The following RBFOX1 variants were observed in gnomAD, a reference collection of about 807,000 sequenced individuals.
RBFOX1 encodes RNA binding protein fox-1 homolog 1.
Under a neutral mutation model 57.7 loss-of-function variants are expected in RBFOX1, and 8 were observed. The ratio of observed to expected loss-of-function variants is 0.14; its 90% CI spans 0.08 to 0.25. RBFOX1 has a LOEUF of 0.25. Ranked by LOEUF, RBFOX1 falls within the 10% of genes least tolerant of loss-of-function variation. The probability of loss-of-function intolerance (pLI) is 1.00; values close to 1 mark genes in which losing one functional copy is unlikely to be tolerated. For missense variants in RBFOX1, 611 were observed against 548.5 expected (o/e 1.11, Z -1.14); for synonymous variants, 326 against 222.4 (o/e 1.47, Z -4.15).
At chr16:6,109,614 T>C (rs2096420858) in intron 1 of RBFOX1, among the ~76,000 whole-genome samples, 1 of 152,210 alleles carries the variant, frequency 6.6e-6, no homozygotes, top group African/African-American at 2.4e-5. Context: ...GCAGTCACGA[T>C]TGCCTGGGTA....
intron 4 of RBFOX1, among the ~76,000 whole-genome samples, chr16:7,488,387 A>G (rs2065975231): frequency 6.6e-6 from 1 of 152,134 alleles, no homozygotes; most frequent in South Asian, 2.1e-4. Flanking sequence ...GTACAGATAT[A>G]TATGGACCTC....
At chr16:7,555,863 C>G (rs2088254484) in intron 5 of RBFOX1, among the ~76,000 whole-genome samples, 1 of 152,158 alleles carries the variant, frequency 6.6e-6, no homozygotes, top group Non-Finnish European at 1.5e-5. Flanking sequence ...CTCATGGTGC[C>G]TATGCTTCCA....
intron 2 of RBFOX1, among the ~76,000 whole-genome samples, chr16:6,414,327 C>G (rs1323922822): frequency 6.6e-6 from 1 of 152,176 alleles, no homozygotes; most frequent in African/African-American, 2.4e-5. Context: ...TCCCAGTCCT[C>G]TTCTCTGGGA....
At chr16:6,678,658 T>C (rs1214870235) in intron 3 of RBFOX1, among the ~76,000 whole-genome samples, 1 of 151,678 alleles carries the variant, frequency 6.6e-6, no homozygotes, top group African/African-American at 2.4e-5. Context: ...ATGACACTTC[T>C]AAGACACAAG....
intron 4 of RBFOX1, among the ~76,000 whole-genome samples, chr16:7,362,904 C>G (rs1231384574): frequency 1.3e-5 from 2 of 152,154 alleles, no homozygotes; most frequent in African/African-American, 4.8e-5. Context: ...TTGCTGGAGT[C>G]ATTTCCTAAC....
chr16:6,451,826 A>G (rs1366198310), intron 2 of RBFOX1, among the ~76,000 whole-genome samples: 1 of 151,316 alleles, frequency 6.6e-6, no homozygotes, highest in Non-Finnish European at 1.5e-5. Context: ...CCATGACTCC[A>G]TCCATGGCTC....
At chr16:5,956,678 A>ATATATTTTTT (rs368096576) in intron 4 of RBFOX1, among the ~76,000 whole-genome samples, 13 of 116,504 alleles carry the variant, frequency 1.1e-4, no homozygotes, top group Admixed American at 3.0e-4. Context: ...ATATATATAT[A>ATATATTTTTT]TTTTTTTTGA....
intron 1 of RBFOX1, among the ~76,000 whole-genome samples, chr16:5,318,829 C>T (rs1204227053): frequency 1.3e-5 from 2 of 152,148 alleles, no homozygotes; most frequent in Non-Finnish European, 2.9e-5. Context: ...ATTGCGTGAG[C>T]CCTTTAAAAG....
At chr16:7,690,877 C>A (rs1348704163) in intron 14 of RBFOX1, among the ~76,000 whole-genome samples, 1 of 152,082 alleles carries the variant, frequency 6.6e-6, no homozygotes, top group South Asian at 2.1e-4. Context: ...AACATGCAAT[C>A]TCCCCTTAGA....
chr16:7,701,021 G>C (rs754964084), intron 14 of RBFOX1, among the ~76,000 whole-genome samples: 3 of 152,162 alleles, frequency 2.0e-5, no homozygotes, highest in Non-Finnish European at 4.4e-5. Context: ...GGCTTCTCAT[G>C]TAGGGTCTAA....
intron 3 of RBFOX1, among the ~76,000 whole-genome samples, chr16:7,022,594 AT>A (rs1568411100): frequency 6.6e-6 from 1 of 152,088 alleles, no homozygotes; most frequent in East Asian, 1.9e-4. Flanking sequence ...TCTAATATTT[AT>A]TGGGAAGCTG....
At chr16:7,294,236 C>A (rs2095848184) in intron 4 of RBFOX1, among the ~76,000 whole-genome samples, 1 of 152,068 alleles carries the variant, frequency 6.6e-6, no homozygotes, top group African/African-American at 2.4e-5. Flanking sequence ...GCCTACCCTT[C>A]CTTGTCCCAC....
At chr16:7,036,715 AAAAC>A (rs1307810124) in intron 3 of RBFOX1, among the ~76,000 whole-genome samples, 18 of 123,386 alleles carry the variant, frequency 1.5e-4, no homozygotes, top group Non-Finnish European at 2.5e-4. Context: ...ACAAACAAAA[AAAAC>A]AAAAAACAAA....
intron 2 of RBFOX1, among the ~76,000 whole-genome samples, chr16:6,474,985 G>A (rs1597773349): frequency 6.6e-6 from 1 of 152,184 alleles, no homozygotes; most frequent in South Asian, 2.1e-4. Context: ...TGTCCTTACA[G>A]CACAAAGTGT....
At chr16:6,959,742 G>T (rs917506693) in intron 3 of RBFOX1, among the ~76,000 whole-genome samples, 1 of 152,104 alleles carries the variant, frequency 6.6e-6, no homozygotes, top group Non-Finnish European at 1.5e-5. Context: ...TTCGAGACCA[G>T]CCTGGCCAAC....
intron 4 of RBFOX1, among the ~76,000 whole-genome samples, chr16:7,400,649 C>T (rs1004885493): frequency 2.0e-5 from 3 of 152,154 alleles, no homozygotes; most frequent in Admixed American, 6.5e-5. Flanking sequence ...TCTGCTCATT[C>T]TTCAGCCATT....
chr16:6,272,117 C>T (rs1383164437), intron 1 of RBFOX1, among the ~76,000 whole-genome samples: 8 of 152,158 alleles, frequency 5.3e-5, no homozygotes, highest in South Asian at 2.1e-4. Flanking sequence ...GGGTTTATTT[C>T]GGGGATGTTA....
intron 3 of RBFOX1, among the ~76,000 whole-genome samples, chr16:5,790,923 C>T (rs918127540): frequency 2.0e-5 from 3 of 148,766 alleles, no homozygotes; most frequent in Non-Finnish European, 4.4e-5. Flanking sequence ...GGCTGGAGTG[C>T]AGTGGTGTGA....
At chr16:7,123,630 G>C (rs1337447660) in intron 4 of RBFOX1, among the ~76,000 whole-genome samples, 2 of 152,128 alleles carry the variant, frequency 1.3e-5, no homozygotes, top group African/African-American at 2.4e-5. Flanking sequence ...TTCTCAGAGT[G>C]CTGGGACTGG....
Sources: gnomAD v4.1 joint callset for allele counts (sites outside exome capture counted in the v4.1 genomes callset) on GRCh38, gnomAD v4.1.1 for gene constraint, MANE v1.5 for transcripts, NCBI Gene and HGNC (gene_info 2026-07-23, HGNC 2026-07-21) for gene names.